Variants in MYOM3 observed in about 807,000 individuals in gnomAD.
MYOM3 encodes myomesin-3.
Under a neutral mutation model 191.7 loss-of-function variants are expected in MYOM3, and 155 were observed. The ratio of observed to expected loss-of-function variants is 0.81; its 90% confidence interval spans 0.71 to 0.92. The LOEUF is 0.92. Ranked by LOEUF, MYOM3 falls within the 40% of genes least tolerant of loss-of-function variation. MYOM3 has a pLI of 0.00. For synonymous variants in MYOM3, 757 were observed against 762.9 expected (o/e 0.99, Z 0.13); for missense variants, 1,889 against 1,890.6 (o/e 1.00, Z 0.02).
At chr1:24,101,777 G>A (rs1272151632) in intron 5 of MYOM3, among the ~76,000 whole-genome samples, 1 of 152,140 alleles carries the variant, frequency 6.6e-6, no homozygotes, top group Non-Finnish European at 1.5e-5. Flanking sequence ...TTTTCTTAAT[G>A]TCCTCTGGTG....
intron 19 of MYOM3, 135 bp downstream of exon 19, chr1:24,081,195 G>A (rs1643663211): frequency 8.7e-7 from 1 of 1,152,026 alleles, no homozygotes; most frequent in African/African-American, 1.6e-5. Flanking sequence ...TTTGTGCAAG[G>A]GCCAGGGGCC....
At chr1:24,078,820 T>C (rs1271312587) in intron 20 of MYOM3, among the ~76,000 whole-genome samples, 1 of 152,192 alleles carries the variant, frequency 6.6e-6, no homozygotes, top group African/African-American at 2.4e-5. Context: ...AGGTAGTAAT[T>C]TGTGTCTGTT....
intron 11 of MYOM3, 41 bp downstream of exon 11, chr1:24,092,133 T>A: frequency 7.1e-7 from 1 of 1,410,326 alleles, no homozygotes; most frequent in Non-Finnish European, 9.3e-7. Flanking sequence ...CCAGACAGAA[T>A]TCTACCCCTA....
intron 33 of MYOM3, 146 bp from the exon 34 acceptor site, chr1:24,061,455 C>T: frequency 1.3e-6 from 1 of 789,194 alleles, no homozygotes; most frequent in South Asian, 1.6e-5. Context: ...AGTGGCAGGA[C>T]TGCGTGGGAG....
chr1:24,092,091 A>G, intron 11 of MYOM3, 83 bp downstream of exon 11: 1 of 1,293,586 alleles, frequency 7.7e-7, no homozygotes, highest in Non-Finnish European at 1.0e-6. Flanking sequence ...GAGGTCAGAC[A>G]TGGGGCCTCC....
intron 15 of MYOM3, among the ~76,000 whole-genome samples, chr1:24,086,214 T>C (rs1289669681): frequency 6.6e-6 from 1 of 152,140 alleles, no homozygotes; most frequent in African/African-American, 2.4e-5. Flanking sequence ...TCCCCCGTTA[T>C]GCTGCAGGTG....
chr1:24,104,685 G>C (rs1393556175), intron 5 of MYOM3, among the ~76,000 whole-genome samples: 1 of 152,132 alleles, frequency 6.6e-6, no homozygotes, highest in African/African-American at 2.4e-5. Flanking sequence ...AAGTAGCTGG[G>C]ACTACAGGTG....
At position 24,093,066 on chromosome 1, in the gene MYOM3, G is replaced by A. The variant is rs200618328; in HGVS notation, c.971C>T (p.Thr324Ile). 3.7e-5 allele frequency: 60 copies of A among 1,612,666 alleles called. No homozygotes were observed. Among genetic ancestry groups the A allele is most frequent in the Non-Finnish European group, 4.9e-5 (58 of 1,179,882 alleles). The change falls in exon 10 of 37, where the codon ACA becomes ATA. Residue 324 changes from threonine (T) to isoleucine (I), a missense_variant. Thr to Ile is a moderately conservative substitution (Grantham distance 89). Coordinates refer to ENST00000374434, the MANE Select transcript of MYOM3 (RefSeq NM_152372.4). Reference protein sequence around the residue: ...RSSRRRKILYTDRQASLKVSC... With the variant: ...RSSRRRKILYIDRQASLKVSC... Reference sequence around the variant, plus strand: ...CACCTTCAGGGATGCCTGGCGGTCTGTGTAGAGGATCTTCCGACGTCTCGA... The same window carrying A: ...CACCTTCAGGGATGCCTGGCGGTCTATGTAGAGGATCTTCCGACGTCTCGA...
At position 24,063,010 on chromosome 1, in the gene MYOM3, G is replaced by T; in HGVS notation, c.3770+116C>A. The T allele has an allele frequency of 1.6e-6, 1 of 627,210 alleles. No homozygotes were observed. The highest frequency in any genetic ancestry group is 2.9e-6 in the Non-Finnish European group (1 of 346,794). 38.9% of individuals were successfully genotyped at this position (627,210 alleles called of 1,614,324 possible). On this transcript the variant is annotated intron_variant, in intron 32 of 36. Transcript: ENST00000374434. The surrounding 1 kb of genome is among the most constrained non-coding windows in gnomAD (Gnocchi z 4.5). ...TAACCCCTGGGACCAGGCTCTGCTT[G>T]GGGGACCAGAAACTCTGCTTGGAGG...
intron 3 of MYOM3, 34 bp from the exon 4 acceptor site, chr1:24,107,266 G>T (rs2148562761): frequency 2.6e-6 from 4 of 1,552,566 alleles, no homozygotes; most frequent in Non-Finnish European, 2.6e-6. Flanking sequence ...GCTCAGGCAG[G>T]GATGGGGGAT....
At chr1:24,070,639 G>A (rs545059920) in intron 25 of MYOM3, among the ~76,000 whole-genome samples, 1 of 152,210 alleles carries the variant, frequency 6.6e-6, no homozygotes, top group African/African-American at 2.4e-5. Context: ...GGAGACTGAG[G>A]CAGAAGGAGT....
At chr1:24,103,847 C>T (rs1643959821) in intron 5 of MYOM3, among the ~76,000 whole-genome samples, 1 of 150,254 alleles carries the variant, frequency 6.7e-6, no homozygotes, top group South Asian at 2.1e-4. Flanking sequence ...TAAAAGGTAG[C>T]TTGACTCTTT....
At position 24,063,068 on chromosome 1, in the gene MYOM3, G is replaced by A; in HGVS notation, c.3770+58C>T. 1 of 1,180,746 alleles carries A rather than the reference G, an allele frequency of 8.5e-7. No homozygotes were observed. The highest frequency in any genetic ancestry group is 2.5e-4 in the Middle Eastern group (1 of 4,026). The allele number at this position is 1,180,746 out of a possible 1,614,324, so 73.1% of individuals were successfully genotyped here. ...AGGGAGAAGGGAGGGAGGCCCCCATGGGTCAGGTGCTGAATCCTTTCCAGC... is the reference window on the plus strand; with the variant it reads ...AGGGAGAAGGGAGGGAGGCCCCCATAGGTCAGGTGCTGAATCCTTTCCAGC... On this transcript the variant is annotated intron_variant, in intron 32 of 36. Coordinates refer to ENST00000374434, the MANE Select transcript of MYOM3 (RefSeq NM_152372.4). This position sits in a 1 kb window ranked among gnomAD's most constrained non-coding sequence, Gnocchi z 4.5.
intron 20 of MYOM3, among the ~76,000 whole-genome samples, chr1:24,079,164 T>A (rs1294977220): frequency 1.3e-5 from 2 of 152,190 alleles, no homozygotes; most frequent in Non-Finnish European, 2.9e-5. Context: ...CCATATAGGA[T>A]GGATATCTTT....
intron 16 of MYOM3, chr1:24,083,244 A>G (rs1335221552): frequency 1.3e-5 from 2 of 152,360 alleles, no homozygotes; most frequent in African/African-American, 2.4e-5. Flanking sequence ...TCACCTATCA[A>G]CGTTCTCCTA....
Position 24,107,449 on chromosome 1 carries a change from T to C in MYOM3, c.243-217A>G, listed in dbSNP as rs189213130. Among the ~76,000 whole-genome samples the C allele has an allele frequency of 1.4e-3, 218 of 152,348 alleles. 2 individuals carry two copies. The highest frequency in any genetic ancestry group is 4.4e-3 in the African/African-American group (184 of 41,584). ...ACTGTTTTCATTGTTTTCAAGGCTC[T>C]TTCACAAACCTTTGTTCATCTTGTT... On this transcript the variant is annotated intron_variant, in intron 3 of 36. Coordinates refer to ENST00000374434, the MANE Select transcript of MYOM3 (RefSeq NM_152372.4).
At chr1:24,067,654 G>A (rs1347087011) in intron 27 of MYOM3, among the ~76,000 whole-genome samples, 2 of 151,936 alleles carry the variant, frequency 1.3e-5, no homozygotes, top group Admixed American at 6.6e-5. Flanking sequence ...TAGAGATAGG[G>A]TTTCACCATG....
chr1:24,067,284 CTTTCTTTCT>C (rs1557602236), intron 27 of MYOM3, among the ~76,000 whole-genome samples, 196 bp from the exon 28 acceptor site: 2 of 58,732 alleles, frequency 3.4e-5, no homozygotes, highest in South Asian at 8.5e-4. Flanking sequence ...TTCTTCCTTC[CTTTCTTTCT>C]TTCTTTCTTT....
At chr1:24,065,104 A>G (rs1469409834) in intron 29 of MYOM3, among the ~76,000 whole-genome samples, 2 of 152,218 alleles carry the variant, frequency 1.3e-5, no homozygotes, top group African/African-American at 4.8e-5. Context: ...GGGACTGATG[A>G]TTATAATAAA....
Sources: allele counts gnomAD v4.1 joint callset (sites outside exome capture counted in the v4.1 genomes callset), GRCh38; gene constraint gnomAD v4.1.1; non-coding constraint Gnocchi (gnomAD v3.1); transcripts MANE v1.5; gene names NCBI Gene and HGNC (gene_info 2026-07-23, HGNC 2026-07-21).